The following ZNF678 variants were observed in gnomAD, a reference collection of about 807,000 sequenced individuals.
The protein encoded by ZNF678 is hypothetical protein MGC42493.
Under a neutral mutation model 3.0 loss-of-function variants are expected in ZNF678, and 5 were observed. The observed-to-expected ratio is 1.69, with a 90% CI of 0.88 to 3.56. ZNF678 has a LOEUF of 3.56. Ranked by LOEUF, ZNF678 falls within the 30% of genes most tolerant of loss-of-function variation. The pLI, the probability that ZNF678 is intolerant of heterozygous loss-of-function variation, is 0.00. For missense variants in ZNF678, 593 were observed against 605.0 expected, an observed-to-expected ratio of 0.98 and a Z score of 0.21; for synonymous variants, 218 against 199.6, an observed-to-expected ratio of 1.09 and a Z score of -0.78.
At chr1:227,610,266 C>A (rs1013736406) in intron 1 of ZNF678, among the ~76,000 whole-genome samples, 1 of 152,122 alleles carries the variant, frequency 6.6e-6, no homozygotes, top group Non-Finnish European at 1.5e-5. Context: ...TAGTCAATAA[C>A]GTTACAAGGA....
At chr1:227,573,557 T>A (rs1656910181) in intron 1 of ZNF678, among the ~76,000 whole-genome samples, 1 of 152,250 alleles carries the variant, frequency 6.6e-6, no homozygotes, top group African/African-American at 2.4e-5. Flanking sequence ...CTAACATATA[T>A]AAGGGTTTTT....
At chr1:227,654,306 A>G in intron 3 of ZNF678, 30 bp from the exon 4 acceptor site, 1 of 1,470,724 alleles carries the variant, frequency 6.8e-7, no homozygotes, top group Non-Finnish European at 9.0e-7. Flanking sequence ...ATTAGTAAGA[A>G]GAATAACTTT....
intron 1 of ZNF678, among the ~76,000 whole-genome samples, chr1:227,644,413 CCAGA>C (rs572532049): frequency 5.6e-4 from 85 of 152,238 alleles, no homozygotes; most frequent in African/African-American, 1.9e-3. Flanking sequence ...GGAGATTTGC[CCAGA>C]CATTGTGGTC....
At chr1:227,613,173 C>T (rs184882009) in intron 1 of ZNF678, among the ~76,000 whole-genome samples, 7 of 152,154 alleles carry the variant, frequency 4.6e-5, no homozygotes, top group East Asian at 1.9e-4. Context: ...CTCATATTTA[C>T]AGCTACTCAC....
intron 1 of ZNF678, among the ~76,000 whole-genome samples, chr1:227,606,700 C>T (rs1294867722): frequency 1.3e-5 from 2 of 152,104 alleles, no homozygotes; most frequent in Non-Finnish European, 2.9e-5. Context: ...CAATACCCAG[C>T]CTTTCTTGGG....
At chr1:227,603,073 G>A (rs1327586906) in intron 1 of ZNF678, among the ~76,000 whole-genome samples, 2 of 152,208 alleles carry the variant, frequency 1.3e-5, no homozygotes, top group Non-Finnish European at 2.9e-5. Context: ...ATGGGCTGCT[G>A]CTGGTTGTGC....
At chr1:227,605,628 A>G (rs747538476) in intron 1 of ZNF678, among the ~76,000 whole-genome samples, 2 of 152,230 alleles carry the variant, frequency 1.3e-5, no homozygotes, top group African/African-American at 2.4e-5. Flanking sequence ...GATTACAATC[A>G]TAAAGTACAT....
rs1242450371 is a variant in ZNF678 at position 227,606,257 on chromosome 1, G to A, written c.-163-40287G>A. ...GTGTGGCAGGAGAACGGGGTGAATA[G>A]GGTGATGGTGGGGAGAAGGTCAGCA... On this transcript the variant is annotated intron_variant, in intron 1 of 3. Transcript: ENST00000343776. 8.5e-5 allele frequency among the ~76,000 whole-genome samples: 13 copies of A among 152,240 alleles called. No individual in the cohort carries two copies. In the East Asian group the frequency reaches 2.3e-3, roughly 27 times the overall value.
chr1:227,590,603 G>T (rs762462328), intron 1 of ZNF678, among the ~76,000 whole-genome samples: 2 of 151,650 alleles, frequency 1.3e-5, no homozygotes, highest in Admixed American at 6.6e-5. Context: ...TTCTCTTTTC[G>T]CAGGAAGCAT....
Position 227,657,235 on chromosome 1 carries a change from G to C in ZNF678, c.*1407G>C, listed in dbSNP as rs1050175535. The C allele has an allele frequency of 1.3e-5, 2 of 151,848 alleles. No individual in the cohort carries two copies. The allele number at this position is 151,848 out of a possible 1,614,324, so 9.4% of individuals were successfully genotyped here. On this transcript the variant is annotated 3_prime_UTR_variant, in exon 4 of 4. Transcript: ENST00000343776. ...CAAACAAAAAACTGATATTCCTCTT[G>C]CTTTGTCTTTTGCCATGATACCCCT...
chr1:227,594,347 G>A (rs1657505862), intron 1 of ZNF678, among the ~76,000 whole-genome samples: 2 of 152,052 alleles, frequency 1.3e-5, no homozygotes, highest in Admixed American at 1.3e-4. Context: ...TTATCCAATT[G>A]TTAATGTTTG....
At chr1:227,675,056 A>G (rs1015704017) in intron 5 of ZNF678, among the ~76,000 whole-genome samples, 58 of 152,310 alleles carry the variant, frequency 3.8e-4, no homozygotes, top group African/African-American at 1.3e-3. Context: ...GAACATTGCT[A>G]TGGTCTGAAT....
At chr1:227,618,878 T>A (rs1158642088) in intron 1 of ZNF678, among the ~76,000 whole-genome samples, 1 of 152,160 alleles carries the variant, frequency 6.6e-6, no homozygotes, top group African/African-American at 2.4e-5. Context: ...GACTGGGTAA[T>A]TTATAAAGAA....
chr1:227,597,176 G>A (rs1353817627), intron 1 of ZNF678, among the ~76,000 whole-genome samples: 1 of 152,180 alleles, frequency 6.6e-6, no homozygotes, highest in African/African-American at 2.4e-5. Flanking sequence ...ACAAAGGGGT[G>A]GGCCAAAATG....
At chr1:227,619,803 T>C (rs72632832) in intron 1 of ZNF678, among the ~76,000 whole-genome samples, 32,020 of 152,142 alleles carry the variant, frequency 0.21, 3,807 homozygotes, top group East Asian at 0.44. Context: ...TTTGAATTTT[T>C]GCAATCAGAC....
At chr1:227,586,996 A>G (rs186364195) in intron 1 of ZNF678, among the ~76,000 whole-genome samples, 75 of 152,354 alleles carry the variant, frequency 4.9e-4, no homozygotes, top group Non-Finnish European at 8.4e-4. Context: ...AATGGAAGAC[A>G]GAGCCCTGTT....
chr1:227,600,786 A>T (rs1426714137), intron 1 of ZNF678, among the ~76,000 whole-genome samples: 1 of 152,164 alleles, frequency 6.6e-6, no homozygotes, highest in East Asian at 1.9e-4. Flanking sequence ...TCTTTAGTTT[A>T]ATTAGACCCC....
chr1:227,569,473 T>C (rs1422735056), intron 1 of ZNF678, among the ~76,000 whole-genome samples: 1 of 152,198 alleles, frequency 6.6e-6, no homozygotes, highest in Non-Finnish European at 1.5e-5. Context: ...TTAAAATTTT[T>C]AAAGTTGATT....
At chr1:227,569,851 A>G (rs548142461) in intron 1 of ZNF678, among the ~76,000 whole-genome samples, 2 of 152,332 alleles carry the variant, frequency 1.3e-5, no homozygotes, top group East Asian at 3.9e-4. Context: ...TGGTCATAAT[A>G]TAGACTTGCA....
Sources: allele counts gnomAD v4.1 joint callset (sites outside exome capture counted in the v4.1 genomes callset), GRCh38; gene constraint gnomAD v4.1.1; transcripts MANE v1.5; gene names NCBI Gene and HGNC (gene_info 2026-07-23, HGNC 2026-07-21).